Variants in KNL1 observed in about 807,000 individuals in gnomAD.
The protein encoded by KNL1 is kinetochore scaffold 1, also known as outer kinetochore KNL1 complex subunit KNL1.
Under a neutral mutation model 201.3 loss-of-function variants are expected in KNL1, and 66 were observed. The observed-to-expected ratio is 0.33, with a 90% confidence interval of 0.27 to 0.40. The LOEUF (loss-of-function observed/expected upper bound fraction) is 0.40. Ranked by LOEUF, KNL1 falls within the 10% of genes least tolerant of loss-of-function variation. The pLI, the probability that KNL1 is intolerant of heterozygous loss-of-function variation, is 1.00. For synonymous variants in KNL1, 895 were observed against 899.2 expected, an observed-to-expected ratio of 1.00 and a Z score of 0.08; for missense variants, 2,815 against 2,690.5, an observed-to-expected ratio of 1.05 and a Z score of -1.02.
intron 7 of KNL1, among the ~76,000 whole-genome samples, chr15:40,612,829 A>AT (rs1215839053): frequency 6.6e-6 from 1 of 152,038 alleles, no homozygotes; most frequent in Non-Finnish European, 1.5e-5. Context: ...AAAAAGAGAT[A>AT]TTTTTATCCA....
At chr15:40,661,132 G>A (rs1422892327) in intron 25 of KNL1, among the ~76,000 whole-genome samples, 1 of 151,906 alleles carries the variant, frequency 6.6e-6, no homozygotes, top group Admixed American at 6.6e-5. Context: ...CCAGCACTTT[G>A]GGAGGCCAAG....
At chr15:40,607,297 T>C (rs77210338) in intron 4 of KNL1, among the ~76,000 whole-genome samples, 5,097 of 152,366 alleles carry the variant, frequency 0.033, 275 homozygotes, top group African/African-American at 0.12. Context: ...ATCACACTTA[T>C]GAACTACGAA....
At chr15:40,613,643 G>T (rs1892245169) in intron 7 of KNL1, among the ~76,000 whole-genome samples, 2 of 151,992 alleles carry the variant, frequency 1.3e-5, no homozygotes, top group Non-Finnish European at 1.5e-5. Context: ...TTTCGCTCTT[G>T]TTGGCCAGAC....
In KNL1 at chr15:40,662,220, G is replaced by T. The variant is rs1262527602; in HGVS notation, c.*32G>T. 8.4e-6 allele frequency: 10 copies of T among 1,185,728 alleles called. No homozygotes were observed. Among genetic ancestry groups the T allele is most frequent in the Non-Finnish European group, 1.3e-5 (10 of 792,278 alleles). The allele number at this position is 1,185,728 out of a possible 1,614,324, so 73.5% of individuals were successfully genotyped here. On this transcript the variant is annotated 3_prime_UTR_variant, in exon 26 of 26. Coordinates refer to ENST00000399668, the MANE Select transcript of KNL1 (RefSeq NM_144508.5). ...GGACCACCATTGGAACAACCAAGCAGAATGTACTTGATATTATTTCAGGGT... is the reference window on the plus strand; with the variant it reads ...GGACCACCATTGGAACAACCAAGCATAATGTACTTGATATTATTTCAGGGT...
chr15:40,651,295 T>TA (rs869083504), intron 19 of KNL1, among the ~76,000 whole-genome samples, 176 bp from the exon 20 acceptor site: 164 of 22,648 alleles, frequency 7.2e-3, no homozygotes, highest in African/African-American at 0.01. Flanking sequence ...AATGCTTATA[T>TA]AAAAAAAAAA....
intron 11 of KNL1, 45 bp from the exon 12 acceptor site, chr15:40,628,566 G>A (rs1339759663): frequency 8.0e-7 from 1 of 1,242,496 alleles, no homozygotes; most frequent in African/African-American, 1.5e-5. Context: ...TAAGTTCACA[G>A]TTTAGTTTTG....
intron 22 of KNL1, among the ~76,000 whole-genome samples, 156 bp downstream of exon 22, chr15:40,655,133 G>A (rs1288357634): frequency 2.0e-5 from 3 of 151,042 alleles, no homozygotes; most frequent in Middle Eastern, 3.4e-3. Flanking sequence ...CCCCGTCTCT[G>A]CTAAAAATAC....
In KNL1 at chr15:40,645,012, A is replaced by G; in HGVS notation, c.5814A>G (p.Ala1938=). The change falls in exon 15 of 26, where the codon GCA becomes GCG. Residue 1938 remains alanine, a synonymous_variant. Coordinates refer to ENST00000399668, the MANE Select transcript of KNL1 (RefSeq NM_144508.5). ...CGTATTTTAGATTAAAGCTTTCTGCATCGAACCAAGATAAGCTGTTGGTTG... is the reference window on the plus strand; with the variant it reads ...CGTATTTTAGATTAAAGCTTTCTGCGTCGAACCAAGATAAGCTGTTGGTTG... ...RQKIEELKLS[A]SNQDKLLVDI... The G allele has an allele frequency of 6.2e-6, 10 of 1,611,314 alleles. No individual in the cohort carries two copies. Among genetic ancestry groups the G allele is most frequent in the Middle Eastern group, 1.7e-4 (1 of 6,026 alleles).
intron 14 of KNL1, among the ~76,000 whole-genome samples, chr15:40,641,813 A>G (rs571757556): frequency 6.6e-6 from 1 of 152,330 alleles, no homozygotes; most frequent in Non-Finnish European, 1.5e-5. Flanking sequence ...TTGAGTTTAT[A>G]ATTTTACCAC....
intron 12 of KNL1, 85 bp downstream of exon 12, chr15:40,628,763 T>C: frequency 2.4e-6 from 2 of 825,464 alleles, no homozygotes; most frequent in Middle Eastern, 3.8e-4. Flanking sequence ...ATATTCTTGG[T>C]TTAAAAAATT....
intron 18 of KNL1, 38 bp from the exon 19 acceptor site, chr15:40,650,506 A>C: frequency 6.5e-7 from 1 of 1,542,436 alleles, no homozygotes; most frequent in South Asian, 1.2e-5. Flanking sequence ...ACATTCTAAT[A>C]TGTTTGTTCT....
At position 40,622,446 on chromosome 15, in the gene KNL1, C is replaced by G. The variant is rs1173203995; in HGVS notation, c.2182C>G (p.Gln728Glu). 2 of 1,613,822 alleles carry G rather than the reference C, an allele frequency of 1.2e-6. No homozygotes were observed. The highest frequency in any genetic ancestry group is 1.7e-5 in the Admixed American group (1 of 59,984). Reference protein sequence around the residue: ...SSHTVKSVLGQNSKLAEPLRK... With the variant: ...SSHTVKSVLGENSKLAEPLRK... ...TCATACAGTGAAATCTGTACTAGGC[C>G]AGAATTCTAAACTGGCTGAGCCACT... The change falls in exon 10 of 26, where the codon CAG becomes GAG. Residue 728 changes from glutamine (Q) to glutamate (E), a missense_variant. Gln to Glu is a conservative substitution (Grantham distance 29). Around this residue, in one of 3 missense-constraint regions of KNL1, gnomAD observed 2,464 missense variants for 2,291.7 expected, o/e 1.08. Transcript: ENST00000399668.
intron 13 of KNL1, among the ~76,000 whole-genome samples, chr15:40,637,740 A>T (rs1893099966): frequency 6.6e-6 from 1 of 152,206 alleles, no homozygotes; most frequent in South Asian, 2.1e-4. Context: ...CATGCAGATT[A>T]TTTAAAATAT....
At chr15:40,638,652 C>T (rs1328025338) in intron 13 of KNL1, among the ~76,000 whole-genome samples, 1 of 151,772 alleles carries the variant, frequency 6.6e-6, no homozygotes, top group Non-Finnish European at 1.5e-5. Context: ...CCACCACGCC[C>T]GGCTAATTTT....
At chr15:40,598,025 C>G (rs922469885) in intron 1 of KNL1, among the ~76,000 whole-genome samples, 5 of 151,980 alleles carry the variant, frequency 3.3e-5, no homozygotes, top group African/African-American at 1.2e-4. Flanking sequence ...CAAAAATTAG[C>G]TGGGCGTGGT....
chr15:40,608,870 G>T lies in KNL1; in HGVS notation c.159G>T (p.Lys53Asn), dbSNP rs758641584. The change falls in exon 5 of 26, where the codon AAG (lysine) becomes AAT (asparagine). Residue 53 changes from lysine (K) to asparagine (N), a missense_variant. Physicochemically the swap from Lys to Asn is moderately conservative, Grantham distance 94. Transcript: ENST00000399668. ...RVQESNALRNKKNSRRVSFAD... is the reference protein window; with the variant it reads ...RVQESNALRNNKNSRRVSFAD... Reference sequence around the variant, plus strand: ...AGGAATCCAATGCTTTGAGAAATAAGAAAAACTCTCGTCGAGTCAGCTTTG... The same window carrying T: ...AGGAATCCAATGCTTTGAGAAATAATAAAAACTCTCGTCGAGTCAGCTTTG... 6 of 1,611,148 alleles carry T rather than the reference G, an allele frequency of 3.7e-6. No individual in the cohort carries two copies. The highest frequency in any genetic ancestry group is 4.2e-6 in the Non-Finnish European group (5 of 1,178,226).
intron 1 of KNL1, among the ~76,000 whole-genome samples, chr15:40,597,945 G>C (rs1481635588): frequency 6.6e-6 from 1 of 152,164 alleles, no homozygotes; most frequent in Non-Finnish European, 1.5e-5. Flanking sequence ...GCCGAGGCGG[G>C]CAGATCACTA....
chr15:40,646,912 A>T, intron 16 of KNL1, 75 bp from the exon 17 acceptor site: 1 of 618,446 alleles, frequency 1.6e-6, no homozygotes. Context: ...TAGAGCGATT[A>T]TGTGAGCAGT....
chr15:40,651,075 C>G lies in KNL1; in HGVS notation c.6213-396C>G, dbSNP rs192809748. Among the ~76,000 whole-genome samples the G allele has an allele frequency of 4.5e-3, 523 of 116,162 alleles. 9 individuals carry two copies. The highest frequency in any genetic ancestry group is 0.015 in the African/African-American group (493 of 31,910). 76.2% of individuals were successfully genotyped at this position (116,162 alleles called of 152,430 possible). ...ACAACTAAACGAAACCAAATACAGGCAAAAAAAAAAAAACTGTGACATGTC... is the reference window on the plus strand; with the variant it reads ...ACAACTAAACGAAACCAAATACAGGGAAAAAAAAAAAAACTGTGACATGTC... On this transcript the variant is annotated intron_variant, in intron 19 of 25. Coordinates refer to ENST00000399668, the MANE Select transcript of KNL1 (RefSeq NM_144508.5).
Sources: gnomAD v4.1 joint callset for allele counts (sites outside exome capture counted in the v4.1 genomes callset) on GRCh38, gnomAD v4.1.1 for gene constraint, gnomAD v4.1.1 regional missense constraint, MANE v1.5 for transcripts, NCBI Gene and HGNC (gene_info 2026-07-23, HGNC 2026-07-21) for gene names.